PKNOX2: variants seen among roughly 807,000 people sequenced by gnomAD.
PKNOX2 encodes the protein PBX/knotted 1 homeobox 2, also known as homeobox protein PKNOX2.
PKNOX2 carries 14 observed loss-of-function variants against 53.1 expected under a neutral mutation model. That is an observed-to-expected ratio of 0.26 (90% CI 0.17 to 0.41). PKNOX2 has a LOEUF of 0.41. Ranked by LOEUF, PKNOX2 falls within the 10% of genes least tolerant of loss-of-function variation. The pLI is 1.00. For missense variants in PKNOX2, 496 were observed against 602.8 expected, an observed-to-expected ratio of 0.82 and a Z score of 1.85; for synonymous variants, 257 against 242.8, an observed-to-expected ratio of 1.06 and a Z score of -0.54.
At chr11:125,387,619 C>T (rs1953739554) in intron 6 of PKNOX2, among the ~76,000 whole-genome samples, 1 of 152,204 alleles carries the variant, frequency 6.6e-6, no homozygotes, top group Non-Finnish European at 1.5e-5. Context: ...GTGTCTGCCC[C>T]ATGCCAGGCC....
chr11:125,268,151 A>C (rs1416617013), intron 2 of PKNOX2, among the ~76,000 whole-genome samples: 2 of 152,162 alleles, frequency 1.3e-5, no homozygotes, highest in Non-Finnish European at 2.9e-5. Flanking sequence ...CCTTTGGCCC[A>C]CCTGCCCCTC....
intron 5 of PKNOX2, among the ~76,000 whole-genome samples, chr11:125,384,286 A>T (rs770965717): frequency 1.3e-5 from 2 of 152,250 alleles, no homozygotes; most frequent in Non-Finnish European, 2.9e-5. Context: ...TGAGGAAGGC[A>T]GACAATAAAA....
chr11:125,184,822 C>T (rs1225169458), intron 1 of PKNOX2, among the ~76,000 whole-genome samples: 1 of 152,202 alleles, frequency 6.6e-6, no homozygotes, highest in Non-Finnish European at 1.5e-5. Flanking sequence ...ATAGGAATGA[C>T]AGCAACACCA....
intron 5 of PKNOX2, among the ~76,000 whole-genome samples, chr11:125,384,969 C>T (rs531235205): frequency 6.6e-6 from 1 of 152,264 alleles, no homozygotes; most frequent in Admixed American, 6.5e-5. Flanking sequence ...ACCTAACACA[C>T]TGGGGTATCT....
chr11:125,385,371 C>G (rs1211882185), intron 5 of PKNOX2, among the ~76,000 whole-genome samples, 180 bp from the exon 6 acceptor site: 1 of 152,206 alleles, frequency 6.6e-6, no homozygotes, highest in Non-Finnish European at 1.5e-5. Context: ...AGTGGACCCT[C>G]CTTGCCAAGG....
At position 125,368,395 on chromosome 11, in the gene PKNOX2, T is replaced by A. The variant is rs551009706; in HGVS notation, c.227+410T>A. On this transcript the variant is annotated intron_variant, in intron 5 of 12. Coordinates refer to ENST00000298282, the MANE Select transcript of PKNOX2 (RefSeq NM_001382323.2). ...CTCTAGAACTTGGCAGTCCACAAAC[T>A]TCAGGAGGCATGAAAGTCACAGGGA... 7.2e-5 allele frequency among the ~76,000 whole-genome samples: 11 copies of A among 152,268 alleles called. No homozygotes were observed. In the South Asian group the frequency reaches 1.9e-3, roughly 26 times the overall value.
chr11:125,175,353 C>G (rs1323352740), intron 1 of PKNOX2, among the ~76,000 whole-genome samples: 2 of 152,220 alleles, frequency 1.3e-5, no homozygotes, highest in Non-Finnish European at 2.9e-5. Flanking sequence ...TTCTGCTGCA[C>G]AGAGTCCTGG....
At chr11:125,331,762 G>A (rs577569886) in intron 2 of PKNOX2, 57 bp from the exon 3 acceptor site, 2 of 152,622 alleles carry the variant, frequency 1.3e-5, no homozygotes, top group African/African-American at 4.8e-5. Context: ...CCTCCTCTCT[G>A]ACCACCCCTG....
chr11:125,338,758 T>C (rs950685013), intron 3 of PKNOX2, among the ~76,000 whole-genome samples: 4 of 152,120 alleles, frequency 2.6e-5, no homozygotes, highest in African/African-American at 9.7e-5. Flanking sequence ...TGCCTTCTTC[T>C]CCTCCTCTTC....
chr11:125,267,656 C>T (rs1945461566), intron 2 of PKNOX2, among the ~76,000 whole-genome samples: 1 of 152,202 alleles, frequency 6.6e-6, no homozygotes, highest in African/African-American at 2.4e-5. Context: ...CAGATTTCTA[C>T]CACAGGTGAG....
At chr11:125,176,571 G>A (rs1955718551) in intron 1 of PKNOX2, among the ~76,000 whole-genome samples, 3 of 152,186 alleles carry the variant, frequency 2.0e-5, no homozygotes, top group African/African-American at 7.2e-5. Flanking sequence ...GAGGAAGTGA[G>A]CTTTAAGCTA....
chr11:125,307,710 G>A (rs1326714642), intron 2 of PKNOX2, among the ~76,000 whole-genome samples: 5 of 152,238 alleles, frequency 3.3e-5, no homozygotes, highest in Non-Finnish European at 1.5e-5. Flanking sequence ...GCCTAGAGAC[G>A]TTGGTGAACA....
At chr11:125,301,885 C>T (rs1948094579) in intron 2 of PKNOX2, among the ~76,000 whole-genome samples, 1 of 152,202 alleles carries the variant, frequency 6.6e-6, no homozygotes, top group Non-Finnish European at 1.5e-5. Flanking sequence ...TGCTCTTATA[C>T]ATTTGCCCAG....
chr11:125,262,191 C>T (rs565632662), intron 2 of PKNOX2, among the ~76,000 whole-genome samples: 1 of 152,126 alleles, frequency 6.6e-6, no homozygotes, highest in African/African-American at 2.4e-5. Flanking sequence ...AGAGTAGGGG[C>T]CAGACAGTGA....
intron 2 of PKNOX2, among the ~76,000 whole-genome samples, chr11:125,285,211 C>G (rs771213314): frequency 7.2e-5 from 11 of 152,094 alleles, no homozygotes; most frequent in Non-Finnish European, 1.3e-4. Context: ...GAGACAGAGC[C>G]TGAACCAGGA....
At chr11:125,393,003 AT>A (rs1318148990) in intron 6 of PKNOX2, among the ~76,000 whole-genome samples, 3 of 150,452 alleles carry the variant, frequency 2.0e-5, no homozygotes, top group Non-Finnish European at 4.4e-5. Flanking sequence ...CTAAAAATAC[AT>A]AAAAAAAAAA....
At chr11:125,234,051 G>GGCCCTTGCTT (rs1316213508) in intron 1 of PKNOX2, among the ~76,000 whole-genome samples, 1 of 152,124 alleles carries the variant, frequency 6.6e-6, no homozygotes, top group Non-Finnish European at 1.5e-5. Context: ...TCTGCCCCTT[G>GGCCCTTGCTT]GCCCTTGCTT....
intron 7 of PKNOX2, among the ~76,000 whole-genome samples, chr11:125,407,097 A>G (rs1351250733): frequency 6.6e-6 from 1 of 151,984 alleles, no homozygotes; most frequent in African/African-American, 2.4e-5. Flanking sequence ...CTTGGACTCT[A>G]TCTCTGAAGG....
intron 6 of PKNOX2, among the ~76,000 whole-genome samples, chr11:125,392,142 C>G (rs1954086567): frequency 6.6e-6 from 1 of 152,230 alleles, no homozygotes; most frequent in Non-Finnish European, 1.5e-5. Context: ...ATTATTTTTA[C>G]AACTTGCATG....
Sources: gnomAD v4.1 joint callset for allele counts (sites outside exome capture counted in the v4.1 genomes callset) on GRCh38, gnomAD v4.1.1 for gene constraint, MANE v1.5 for transcripts, NCBI Gene and HGNC (gene_info 2026-07-23, HGNC 2026-07-21) for gene names.